Variants in MBNL3 observed in about 807,000 individuals in gnomAD.
MBNL3 encodes muscleblind-like protein 3.
In MBNL3, 6 loss-of-function variants were observed where a neutral mutation model predicts 24.5. The observed-to-expected ratio is 0.25, with a 90% CI of 0.13 to 0.48. The LOEUF is 0.48. MBNL3 is among the 20% of genes least tolerant of loss of function. The pLI is 0.99. For missense variants in MBNL3, 230 were observed against 293.5 expected, an observed-to-expected ratio of 0.78 and a Z score of 1.58; for synonymous variants, 100 against 101.7, an observed-to-expected ratio of 0.98 and a Z score of 0.10.
intron 2 of MBNL3, among the ~76,000 whole-genome samples, chrX:132,427,645 T>A (rs1283998875): frequency 8.9e-6 from 1 of 111,750 alleles, no homozygotes; most frequent in Non-Finnish European, 1.9e-5. Flanking sequence ...AAAAATGAGA[T>A]CTCTAAAAAG....
rs1014939592 is a variant in MBNL3 at position 132,382,350 on chromosome X, G to A, written c.959-78C>T. 3 of 782,446 alleles carry A rather than the reference G, an allele frequency of 3.8e-6. No individual in the cohort carries two copies. The African/African-American group carries it at 6.1e-5, about 16-fold the overall frequency. The allele number at this position is 782,446 out of a possible 1,213,427, so 64.5% of individuals were successfully genotyped here. ...AACCATAACATTTACGATGGAATGA[G>A]GTGTGGTAGGTATCACAGCAACAAG... On this transcript the variant is annotated intron_variant, in intron 7 of 8. Coordinates refer to ENST00000370853, the MANE Select transcript of MBNL3 (RefSeq NM_001386889.1).
chrX:132,473,271 T>C (rs1175888463), intron 1 of MBNL3, among the ~76,000 whole-genome samples: 2 of 112,132 alleles, frequency 1.8e-5, no homozygotes, highest in African/African-American at 6.5e-5. Context: ...AGCCATTTGA[T>C]TTGCTTCTCT....
chrX:132,409,947 C>T (rs962451885), intron 2 of MBNL3, among the ~76,000 whole-genome samples: 2 of 111,527 alleles, frequency 1.8e-5, no homozygotes, highest in Admixed American at 9.5e-5. Flanking sequence ...AATAGGAAAG[C>T]GATTCTCTGC....
intron 2 of MBNL3, among the ~76,000 whole-genome samples, chrX:132,424,285 G>C (rs1372504121): frequency 8.9e-6 from 1 of 112,147 alleles, no homozygotes; most frequent in Non-Finnish European, 1.9e-5. Flanking sequence ...CATGGAAACT[G>C]CCCACAAGGA....
chrX:132,428,503 A>T (rs1944483350), intron 2 of MBNL3, among the ~76,000 whole-genome samples: 1 of 104,852 alleles, frequency 9.5e-6, no homozygotes. Context: ...TCTGGATTAG[A>T]CATCAAAAAT....
chrX:132,386,979 A>G (rs1356484622), intron 5 of MBNL3, among the ~76,000 whole-genome samples, 168 bp from the exon 6 acceptor site: 1 of 111,587 alleles, frequency 9.0e-6, no homozygotes, highest in Non-Finnish European at 1.9e-5. Context: ...ATGTAGAGAT[A>G]AGGGGGTTCA....
intron 3 of MBNL3, among the ~76,000 whole-genome samples, chrX:132,398,665 G>T (rs1940278455): frequency 9.0e-6 from 1 of 110,833 alleles, no homozygotes. Context: ...TGGGTTTTTG[G>T]GAGATAAATA....
chrX:132,384,581 A>T, intron 7 of MBNL3, 82 bp downstream of exon 7: 1 of 870,707 alleles, frequency 1.1e-6, no homozygotes, highest in Non-Finnish European at 1.6e-6. Flanking sequence ...CACATCTTTC[A>T]GTCATTCATC....
In MBNL3 at chrX:132,379,376, CAA is replaced by C. The variant is rs895702665; in HGVS notation, c.*288_*289del. Reference sequence around the variant, plus strand: ...ACTTAGCATGGTTATTAGAAAATCACAAAGAGTAATGTAACAAGTTACCAAAT... The same window carrying C: ...ACTTAGCATGGTTATTAGAAAATCACAGAGTAATGTAACAAGTTACCAAAT... On this transcript the variant is annotated 3_prime_UTR_variant, in exon 9 of 9. Coordinates refer to ENST00000370853, the MANE Select transcript of MBNL3 (RefSeq NM_001386889.1). 3 of 251,527 alleles carry C rather than the reference CAA, an allele frequency of 1.2e-5. No homozygotes were observed. The highest frequency in any genetic ancestry group is 8.7e-5 in the African/African-American group (3 of 34,657). The allele number at this position is 251,527 out of a possible 1,213,427, so 20.7% of individuals were successfully genotyped here.
At chrX:132,445,076 C>T (rs1409645484) in intron 1 of MBNL3, among the ~76,000 whole-genome samples, 1 of 111,943 alleles carries the variant, frequency 8.9e-6, no homozygotes, top group Non-Finnish European at 1.9e-5. Context: ...GGCACCTAAA[C>T]CAATCACTAA....
chrX:132,416,343 T>TAAAACAAAACAAAAC (rs201556977), intron 2 of MBNL3, among the ~76,000 whole-genome samples: 2 of 110,043 alleles, frequency 1.8e-5, no homozygotes, highest in African/African-American at 6.7e-5. Context: ...ATGCGAGAGC[T>TAAAACAAAACAAAAC]AAAACAAAAC....
Position 132,392,346 on chromosome X carries a change from A to G in MBNL3, c.343-12T>C. On this transcript the variant is annotated splice_polypyrimidine_tract_variant and intron_variant, in intron 3 of 8. Coordinates refer to ENST00000370853, the MANE Select transcript of MBNL3 (RefSeq NM_001386889.1). ...ATAGGAAAAGAACCCTGTATGTTTA[A>G]AAGAGAAAAAAAGATGTTAGAGGTA... 1 of 1,140,294 alleles carries G rather than the reference A, an allele frequency of 8.8e-7. No homozygotes were observed. Among genetic ancestry groups the G allele is most frequent in the Non-Finnish European group, 1.2e-6 (1 of 849,849 alleles). The allele number at this position is 1,140,294 out of a possible 1,213,427, so 94.0% of individuals were successfully genotyped here.
chrX:132,437,788 T>C (rs1945192424), intron 2 of MBNL3: 1 of 179,736 alleles, frequency 5.6e-6, no homozygotes, highest in African/African-American at 3.1e-5. Flanking sequence ...CACAAAATAA[T>C]TGTAGATGAA....
chrX:132,381,553 C>T (rs1308396472), intron 8 of MBNL3: 1 of 362,610 alleles, frequency 2.8e-6, no homozygotes, highest in African/African-American at 2.6e-5. Flanking sequence ...GGCAAAATGG[C>T]CCTAATACTA....
In MBNL3 at chrX:132,370,084, C is replaced by T. The variant is rs577860511; in HGVS notation, c.*9582G>A. The T allele has an allele frequency of 2.7e-5, 3 of 112,002 alleles. No homozygotes were observed. In the South Asian group the frequency reaches 1.1e-3, roughly 42 times the overall value. The allele number at this position is 112,002 out of a possible 1,213,427, so 9.2% of individuals were successfully genotyped here. A position where few individuals can be genotyped will look rare whatever the true frequency, so the allele number is the denominator to read the frequency against. On this transcript the variant is annotated 3_prime_UTR_variant, in exon 9 of 9. Coordinates refer to ENST00000370853, the MANE Select transcript of MBNL3 (RefSeq NM_001386889.1). The stretch of plus-strand genomic sequence containing the variant: ...GAGCTCTTGGCTTTTATTCCCCAGA[C>T]ACCCACTGTCCTCCTGCCTAAGGGA...
chrX:132,426,279 T>C (rs1181379588), intron 2 of MBNL3, among the ~76,000 whole-genome samples: 1 of 112,161 alleles, frequency 8.9e-6, no homozygotes, highest in African/African-American at 3.2e-5. Context: ...CAAAGAAATC[T>C]GATGTTAAGA....
chrX:132,455,019 G>A lies in MBNL3; in HGVS notation c.-703-14705C>T, dbSNP rs1051742108. 2.7e-5 allele frequency among the ~76,000 whole-genome samples: 3 copies of A among 112,228 alleles called. No individual in the cohort carries two copies. The East Asian group carries it at 8.4e-4, about 31-fold the overall frequency. ...AAAATTTAGAGGAACTGCAACATAG[G>A]CTTGCTTTTAAACATCTTTTAATTG... On this transcript the variant is annotated intron_variant, in intron 1 of 8. Coordinates refer to ENST00000370853, the MANE Select transcript of MBNL3 (RefSeq NM_001386889.1).
At chrX:132,401,141 G>A (rs748187832) in intron 3 of MBNL3, among the ~76,000 whole-genome samples, 9 of 111,542 alleles carry the variant, frequency 8.1e-5, no homozygotes, top group South Asian at 3.7e-4. Context: ...CCTACATAAT[G>A]TCTGGGTCAC....
In MBNL3 at chrX:132,473,487, C is replaced by T. The variant is rs770514069; in HGVS notation, c.-704+15364G>A. Reference sequence around the variant, plus strand: ...ATCTGTTCTCTTGGCATGAAGATGCCGTTAATCTACTTTGATTCCTATTGA... The same window carrying T: ...ATCTGTTCTCTTGGCATGAAGATGCTGTTAATCTACTTTGATTCCTATTGA... On this transcript the variant is annotated intron_variant, in intron 1 of 8. Coordinates refer to ENST00000370853, the MANE Select transcript of MBNL3 (RefSeq NM_001386889.1). Among the ~76,000 whole-genome samples the T allele has an allele frequency of 1.5e-4, 17 of 111,725 alleles. No individual in the cohort carries two copies. In the East Asian group the frequency reaches 4.8e-3, roughly 31 times the overall value.
Sources: allele counts gnomAD v4.1 joint callset (sites outside exome capture counted in the v4.1 genomes callset), GRCh38; gene constraint gnomAD v4.1.1; transcripts MANE v1.5; gene names NCBI Gene and HGNC (gene_info 2026-07-23, HGNC 2026-07-21).